MSR1: variants seen among roughly 807,000 people sequenced by gnomAD.
MSR1 encodes the protein macrophage scavenger receptor 1, also known as macrophage scavenger receptor types I and II.
In MSR1, 53 loss-of-function variants were observed where a neutral mutation model predicts 47.2. The ratio of observed to expected loss-of-function variants is 1.12; its 90% CI spans 0.90 to 1.41. The LOEUF (loss-of-function observed/expected upper bound fraction) is 1.41, where lower values mean the gene tolerates loss of function less well. MSR1 is among the 40% of genes most tolerant of loss of function. The probability of loss-of-function intolerance (pLI) is 0.00; values close to 1 mark genes in which losing one functional copy is unlikely to be tolerated. For synonymous variants in MSR1, 239 were observed against 185.6 expected, an observed-to-expected ratio of 1.29 and a Z score of -2.34; for missense variants, 786 against 546.9, an observed-to-expected ratio of 1.44 and a Z score of -4.36.
intron 5 of MSR1, 34 bp downstream of exon 5, chr8:16,164,030 AT>A (rs1563160261): frequency 1.3e-6 from 2 of 1,489,426 alleles, no homozygotes; most frequent in East Asian, 4.6e-5. Context: ...TTTAATATAT[AT>A]ATCATTTTCT....
chr8:16,162,721 T>C (rs1326777241), intron 5 of MSR1, among the ~76,000 whole-genome samples: 1 of 152,032 alleles, frequency 6.6e-6, no homozygotes, highest in Non-Finnish European at 1.5e-5. Flanking sequence ...TGTGCAGTAC[T>C]GATAAACCAA....
intron 8 of MSR1, among the ~76,000 whole-genome samples, chr8:16,124,036 T>C (rs1420338079): frequency 6.6e-6 from 1 of 152,190 alleles, no homozygotes; most frequent in Non-Finnish European, 1.5e-5. Context: ...TACTGTCTCT[T>C]TCTCAGTGAC....
At chr8:16,135,944 A>C (rs1800378436) in intron 8 of MSR1, among the ~76,000 whole-genome samples, 1 of 152,106 alleles carries the variant, frequency 6.6e-6, no homozygotes, top group African/African-American at 2.4e-5. Context: ...GAATTGCTGC[A>C]ATCGATAAAA....
At chr8:16,186,643 T>G (rs989174685) in intron 1 of MSR1, among the ~76,000 whole-genome samples, 1 of 151,898 alleles carries the variant, frequency 6.6e-6, no homozygotes, top group African/African-American at 2.4e-5. Flanking sequence ...ATTTCTTTTT[T>G]TTTTTTTTGA....
chr8:16,145,460 T>G (rs2117119273), intron 7 of MSR1, among the ~76,000 whole-genome samples: 1 of 152,184 alleles, frequency 6.6e-6, no homozygotes, highest in East Asian at 1.9e-4. Context: ...ATTTCAACAT[T>G]AACTTCACAA....
At chr8:16,127,985 T>A (rs1393508905) in intron 8 of MSR1, among the ~76,000 whole-genome samples, 1 of 152,150 alleles carries the variant, frequency 6.6e-6, no homozygotes, top group East Asian at 1.9e-4. Flanking sequence ...ATTTTTATTA[T>A]CTCATGAGAC....
chr8:16,186,812 C>G (rs1802013398), intron 1 of MSR1, among the ~76,000 whole-genome samples: 1 of 125,992 alleles, frequency 7.9e-6, no homozygotes, highest in Admixed American at 8.8e-5. Flanking sequence ...TGCAGTCTTA[C>G]TATGTTGCCC....
Position 16,163,937 on chromosome 8 carries a change from A to G in MSR1, c.817+128T>C. ...GATTTTCATATTCTTTCCTTTGGGTATTTGCAGTAAATGTAAGCTCAGAAA... is the reference window on the plus strand; with the variant it reads ...GATTTTCATATTCTTTCCTTTGGGTGTTTGCAGTAAATGTAAGCTCAGAAA... On this transcript the variant is annotated intron_variant, in intron 5 of 9. Coordinates refer to ENST00000262101, the MANE Select transcript of MSR1 (RefSeq NM_138715.3). 6 of 688,970 alleles carry G rather than the reference A, an allele frequency of 8.7e-6. 1 individual carries two copies. Among genetic ancestry groups the G allele is most frequent in the Non-Finnish European group, 1.4e-5 (6 of 441,224 alleles). 42.7% of individuals were successfully genotyped at this position (688,970 alleles called of 1,614,324 possible). A position where few individuals can be genotyped will look rare whatever the true frequency, so the allele number is the denominator to read the frequency against.
chr8:16,180,248 C>G (rs919250549), intron 1 of MSR1, among the ~76,000 whole-genome samples: 1 of 151,972 alleles, frequency 6.6e-6, no homozygotes, highest in African/African-American at 2.4e-5. Flanking sequence ...TGTCCTTGTA[C>G]CTTTTCCAGC....
intron 3 of MSR1, among the ~76,000 whole-genome samples, chr8:16,172,153 C>T (rs184923435): frequency 2.0e-5 from 3 of 152,282 alleles, no homozygotes; most frequent in East Asian, 3.9e-4. Context: ...TTACTATGCA[C>T]ATTGCTCTGA....
At chr8:16,192,247 C>T (rs1330332053) in intron 1 of MSR1, among the ~76,000 whole-genome samples, 1 of 152,008 alleles carries the variant, frequency 6.6e-6, no homozygotes, top group African/African-American at 2.4e-5. Flanking sequence ...TGAAATATGT[C>T]AAATTATACT....
intron 3 of MSR1, among the ~76,000 whole-genome samples, chr8:16,169,376 T>C (rs1388413600): frequency 6.6e-6 from 1 of 152,224 alleles, no homozygotes; most frequent in Non-Finnish European, 1.5e-5. Flanking sequence ...ATCTTCTTCA[T>C]TCTTTCACTT....
intron 5 of MSR1, among the ~76,000 whole-genome samples, chr8:16,158,677 C>G (rs903388224): frequency 6.6e-6 from 1 of 150,942 alleles, no homozygotes; most frequent in Non-Finnish European, 1.5e-5. Context: ...TATGTTTAAT[C>G]TGGAAGACAC....
chr8:16,144,193 G>C (rs557142073), intron 7 of MSR1, among the ~76,000 whole-genome samples: 2 of 152,050 alleles, frequency 1.3e-5, no homozygotes, highest in East Asian at 1.9e-4. Flanking sequence ...TTTCATATGA[G>C]GGTCAGGGCT....
chr8:16,149,938 C>A (rs1009250417), intron 7 of MSR1, among the ~76,000 whole-genome samples: 1 of 151,022 alleles, frequency 6.6e-6, no homozygotes, highest in African/African-American at 2.4e-5. Flanking sequence ...TTTTTTTAAA[C>A]GATTTTCCTT....
intron 8 of MSR1, among the ~76,000 whole-genome samples, chr8:16,142,042 G>T (rs1336281064): frequency 6.6e-6 from 1 of 152,054 alleles, no homozygotes; most frequent in Non-Finnish European, 1.5e-5. Context: ...AAAGTACACA[G>T]CAGGTGGGCC....
At chr8:16,124,492 TC>T (rs1444871280) in intron 8 of MSR1, among the ~76,000 whole-genome samples, 1 of 152,158 alleles carries the variant, frequency 6.6e-6, no homozygotes, top group Non-Finnish European at 1.5e-5. Context: ...TGAGAAATTC[TC>T]CCCACCTGCA....
intron 8 of MSR1, chr8:16,140,581 G>T (rs545800548): frequency 5.6e-6 from 6 of 1,061,996 alleles, no homozygotes; most frequent in Non-Finnish European, 6.8e-6. Flanking sequence ...GGTAGGAATC[G>T]CTTTGCTTGA....
At chr8:16,121,358 T>C (rs1274890943) in intron 8 of MSR1, among the ~76,000 whole-genome samples, 1 of 152,120 alleles carries the variant, frequency 6.6e-6, no homozygotes, top group Non-Finnish European at 1.5e-5. Context: ...TGACCATATG[T>C]ACAATAAACT....
Sources: allele counts gnomAD v4.1 joint callset (sites outside exome capture counted in the v4.1 genomes callset), GRCh38; gene constraint gnomAD v4.1.1; transcripts MANE v1.5; gene names NCBI Gene and HGNC (gene_info 2026-07-23, HGNC 2026-07-21).